ABLIM2: variants seen among roughly 807,000 people sequenced by gnomAD.
The protein encoded by ABLIM2 is actin-binding LIM protein 2.
A neutral mutation model predicts 97.7 loss-of-function variants in ABLIM2; 53 were observed. That is an observed-to-expected ratio of 0.54 (90% CI 0.44 to 0.68). ABLIM2 has a LOEUF of 0.68. Ranked by LOEUF, ABLIM2 falls within the 30% of genes least tolerant of loss-of-function variation. The probability of loss-of-function intolerance (pLI) is 0.00; values close to 1 mark genes in which losing one functional copy is unlikely to be tolerated. For missense variants in ABLIM2, 835 were observed against 867.2 expected (o/e 0.96, Z 0.47); for synonymous variants, 361 against 345.8 (o/e 1.04, Z -0.49).
At chr4:8,051,618 A>G (rs952973988) in intron 8 of ABLIM2, among the ~76,000 whole-genome samples, 10 of 152,102 alleles carry the variant, frequency 6.6e-5, no homozygotes, top group African/African-American at 2.4e-4. Context: ...TAGAAAGGAA[A>G]AGGGGTCCTT....
In ABLIM2 at chr4:8,019,653, T is replaced by C; in HGVS notation, c.1388A>G (p.Asn463Ser). 1.2e-6 allele frequency: 2 copies of C among 1,612,572 alleles called. No homozygotes were observed. The highest frequency in any genetic ancestry group is 2.2e-5 in the East Asian group (1 of 44,852). The change falls in exon 14 of 21, where the codon AAC becomes AGC. Residue 463 changes from asparagine to serine, a missense_variant. Physicochemically the swap from Asn to Ser is conservative, Grantham distance 46. Coordinates refer to ENST00000447017, the MANE Select transcript of ABLIM2 (RefSeq NM_001130083.2). The surrounding 1 kb of genome is among the most constrained non-coding windows in gnomAD (Gnocchi z 4.3). ...GTAGATAGGGGGTTTCCTATAGATG[T>C]TATCTTTTACGCCAGTGTCTGGGGA... ...FHVPDTGVKDNIYRKPPIYRQ... is the reference protein window; with the variant it reads ...FHVPDTGVKDSIYRKPPIYRQ...
chr4:8,119,189 G>A (rs1844145926), intron 1 of ABLIM2, among the ~76,000 whole-genome samples: 1 of 152,152 alleles, frequency 6.6e-6, no homozygotes. Context: ...TCAGGGTGGG[G>A]TGTGGGGCTG....
At chr4:8,114,316 G>T (rs186294847) in intron 1 of ABLIM2, among the ~76,000 whole-genome samples, 1 of 152,328 alleles carries the variant, frequency 6.6e-6, no homozygotes, top group East Asian at 1.9e-4. Flanking sequence ...GGGGCACAGG[G>T]CTTTCTTTGG....
In ABLIM2 at chr4:8,033,530, T is replaced by G. The variant is rs996675049; in HGVS notation, c.1047+2619A>C. Among the ~76,000 whole-genome samples, 1 of 152,184 alleles carries G rather than the reference T, an allele frequency of 6.6e-6. No individual in the cohort carries two copies. Among genetic ancestry groups the G allele is most frequent in the Non-Finnish European group, 1.5e-5 (1 of 68,028 alleles). On this transcript the variant is annotated intron_variant, in intron 10 of 20. Coordinates refer to ENST00000447017, the MANE Select transcript of ABLIM2 (RefSeq NM_001130083.2). This position sits in a 1 kb window ranked among gnomAD's most constrained non-coding sequence, Gnocchi z 4.5. ...CACACCTGACCCAGGAGCCCAGCCC[T>G]GTCCACCTGCCGAGGCAGGCCCCAT...
Position 8,058,437 on chromosome 4 carries a change from C to G in ABLIM2, c.763+2530G>C, listed in dbSNP as rs1800746119. Among the ~76,000 whole-genome samples, 1 of 152,252 alleles carries G rather than the reference C, an allele frequency of 6.6e-6. No individual in the cohort carries two copies. The highest frequency in any genetic ancestry group is 2.4e-5 in the African/African-American group (1 of 41,478). On this transcript the variant is annotated intron_variant, in intron 7 of 20. Coordinates refer to ENST00000447017, the MANE Select transcript of ABLIM2 (RefSeq NM_001130083.2). The surrounding 1 kb of genome is among the most constrained non-coding windows in gnomAD (Gnocchi z 4.2). Reference sequence around the variant, plus strand: ...GAGGTCATTCAACAGCCCGCAGGCACCTGCACGGCAGACGCTCTGACAGCA... The same window carrying G: ...GAGGTCATTCAACAGCCCGCAGGCAGCTGCACGGCAGACGCTCTGACAGCA...
At chr4:8,064,648 G>A (rs1415801186) in intron 6 of ABLIM2, among the ~76,000 whole-genome samples, 1 of 152,186 alleles carries the variant, frequency 6.6e-6, no homozygotes, top group Non-Finnish European at 1.5e-5. Flanking sequence ...CGAACAACAT[G>A]GAGGATGCTG....
chr4:8,116,518 G>A (rs1231122655), intron 1 of ABLIM2, among the ~76,000 whole-genome samples: 2 of 152,196 alleles, frequency 1.3e-5, no homozygotes, highest in Non-Finnish European at 2.9e-5. Flanking sequence ...CAAGGGGTCT[G>A]TAAATGCATT....
chr4:8,013,263 C>A (rs566039048), intron 14 of ABLIM2, among the ~76,000 whole-genome samples: 2 of 129,908 alleles, frequency 1.5e-5, no homozygotes, highest in Non-Finnish European at 3.1e-5. Flanking sequence ...CACTCTGTTG[C>A]CCAGGCTGGA....
At position 8,158,739 on chromosome 4, in the gene ABLIM2, C is replaced by G. The variant is rs1380373569; in HGVS notation, c.-50G>C. On this transcript the variant is annotated 5_prime_UTR_variant, in exon 1 of 21. Coordinates refer to ENST00000447017, the MANE Select transcript of ABLIM2 (RefSeq NM_001130083.2). ...CGGCCCGGCGCTGCGACAGCCAGAC[C>G]CTCGGGCCCGCAGGTGCCGCGCCCG... The G allele has an allele frequency of 2.2e-5, 30 of 1,378,702 alleles. No homozygotes were observed. The highest frequency in any genetic ancestry group is 2.8e-5 in the Non-Finnish European group (30 of 1,066,534). The allele number at this position is 1,378,702 out of a possible 1,614,324, so 85.4% of individuals were successfully genotyped here. A position where few individuals can be genotyped will look rare whatever the true frequency, so the allele number is the denominator to read the frequency against.
At chr4:8,048,988 T>C (rs1396170623) in intron 8 of ABLIM2, among the ~76,000 whole-genome samples, 1 of 152,182 alleles carries the variant, frequency 6.6e-6, no homozygotes, top group Non-Finnish European at 1.5e-5. Context: ...TGAAGATCAC[T>C]GGTTCCTCAG....
rs887490027 is a variant in ABLIM2 at position 8,003,028 on chromosome 4, G to A, written c.1618+5031C>T. 2.0e-5 allele frequency among the ~76,000 whole-genome samples: 3 copies of A among 152,076 alleles called. No homozygotes were observed. The highest frequency in any genetic ancestry group is 4.4e-5 in the Non-Finnish European group (3 of 68,026). On this transcript the variant is annotated intron_variant, in intron 16 of 20. Transcript: ENST00000447017. This position sits in a 1 kb window ranked among gnomAD's most constrained non-coding sequence, Gnocchi z 4.2. ...GTCTCCCAGCCCCTAGTAGAATGTC[G>A]GCTCCCCAGACAGGGAACTTTGTCT...
chr4:8,097,543 C>A (rs1832316461), intron 2 of ABLIM2, among the ~76,000 whole-genome samples: 1 of 152,200 alleles, frequency 6.6e-6, no homozygotes, highest in Non-Finnish European at 1.5e-5. Context: ...AAGAGCCAGG[C>A]TCTCTTGAGG....
intron 20 of ABLIM2, among the ~76,000 whole-genome samples, chr4:7,982,051 G>C (rs1577849671): frequency 6.6e-6 from 1 of 152,050 alleles, no homozygotes; most frequent in Non-Finnish European, 1.5e-5. Context: ...GTACTGCTGA[G>C]TGCCCCTCAG....
intron 16 of ABLIM2, among the ~76,000 whole-genome samples, chr4:7,994,263 C>A: frequency 3.6e-5 from 1 of 27,904 alleles, no homozygotes; most frequent in African/African-American, 8.8e-5. Flanking sequence ...CCGACCCCAC[C>A]ACAGTCCCCA....
rs1792854284 is a variant in ABLIM2 at position 8,046,920 on chromosome 4, C to T, written c.823-1679G>A. Among the ~76,000 whole-genome samples, 1 of 152,168 alleles carries T rather than the reference C, an allele frequency of 6.6e-6. No homozygotes were observed. Among genetic ancestry groups the T allele is most frequent in the African/African-American group, 2.4e-5 (1 of 41,438 alleles). On this transcript the variant is annotated intron_variant, in intron 8 of 20. Coordinates refer to ENST00000447017, the MANE Select transcript of ABLIM2 (RefSeq NM_001130083.2). The surrounding 1 kb of genome is among the most constrained non-coding windows in gnomAD (Gnocchi z 4.4). Reference sequence around the variant, plus strand: ...GAGGGAGAAACCACCCCAGCTAACCCCGTGATCTTGGCCTTTTGGGCTCCA... The same window carrying T: ...GAGGGAGAAACCACCCCAGCTAACCTCGTGATCTTGGCCTTTTGGGCTCCA...
intron 20 of ABLIM2, among the ~76,000 whole-genome samples, chr4:7,979,567 C>A (rs2149574502): frequency 6.6e-6 from 1 of 152,336 alleles, no homozygotes; most frequent in South Asian, 2.1e-4. Context: ...ACCTTTGTTT[C>A]TCTGATTACA....
intron 6 of ABLIM2, among the ~76,000 whole-genome samples, chr4:8,064,483 A>AGCCTGG (rs1805678157): frequency 6.6e-6 from 1 of 152,228 alleles, no homozygotes; most frequent in Non-Finnish European, 1.5e-5. Flanking sequence ...GAAAGTTCCC[A>AGCCTGG]ACAGCCACAG....
intron 1 of ABLIM2, among the ~76,000 whole-genome samples, chr4:8,137,581 G>A (rs1561618650): frequency 6.6e-6 from 1 of 152,230 alleles, no homozygotes; most frequent in Non-Finnish European, 1.5e-5. Flanking sequence ...GGCACAGGCG[G>A]TGGTGAAGAA....
At position 8,032,895 on chromosome 4, in the gene ABLIM2, C is replaced by T. The variant is rs565051257; in HGVS notation, c.1048-3119G>A. Among the ~76,000 whole-genome samples, 22 of 152,224 alleles carry T rather than the reference C, an allele frequency of 1.4e-4. No homozygotes were observed. Among genetic ancestry groups the T allele is most frequent in the African/African-American group, 5.3e-4 (22 of 41,522 alleles). Reference sequence around the variant, plus strand: ...GTTAATTCTTCCCAGAGAAAGAGGCCCCCGGGGAAACTGATTTCGTGCCAA... The same window carrying T: ...GTTAATTCTTCCCAGAGAAAGAGGCTCCCGGGGAAACTGATTTCGTGCCAA... On this transcript the variant is annotated intron_variant, in intron 10 of 20. Transcript: ENST00000447017. The surrounding 1 kb of genome is among the most constrained non-coding windows in gnomAD (Gnocchi z 4.3).
Sources: allele counts gnomAD v4.1 joint callset (sites outside exome capture counted in the v4.1 genomes callset), GRCh38; gene constraint gnomAD v4.1.1; non-coding constraint Gnocchi (gnomAD v3.1); transcripts MANE v1.5; gene names NCBI Gene and HGNC (gene_info 2026-07-23, HGNC 2026-07-21).